The following GPC5 variants were observed in gnomAD, a reference collection of about 807,000 sequenced individuals.
GPC5 encodes the protein glypican-5.
GPC5 carries 47 observed loss-of-function variants against 53.9 expected under a neutral mutation model. The ratio of observed to expected loss-of-function variants is 0.87; its 90% CI spans 0.69 to 1.11. The LOEUF is 1.11. Ranked by LOEUF, GPC5 falls within the 50% of genes most tolerant of loss-of-function variation. The pLI is 0.00. For synonymous variants in GPC5, 286 were observed against 263.3 expected (o/e 1.09, Z -0.84); for missense variants, 748 against 713.1 (o/e 1.05, Z -0.56).
At chr13:91,968,230 AT>A (rs1431618056) in intron 6 of GPC5, among the ~76,000 whole-genome samples, 1 of 151,738 alleles carries the variant, frequency 6.6e-6, no homozygotes, top group African/African-American at 2.4e-5. Context: ...TTCCTCATGT[AT>A]TTTTTCCTAT....
intron 7 of GPC5, among the ~76,000 whole-genome samples, chr13:92,735,239 A>T (rs1888906824): frequency 1.3e-5 from 2 of 151,952 alleles, no homozygotes; most frequent in Admixed American, 1.3e-4. Context: ...AAATAAAATT[A>T]TGTTAGTTAA....
intron 2 of GPC5, among the ~76,000 whole-genome samples, chr13:91,450,885 C>A (rs1881131820): frequency 6.6e-6 from 1 of 152,006 alleles, no homozygotes; most frequent in Non-Finnish European, 1.5e-5. Context: ...TTTTCTGGAA[C>A]CAAATTCACT....
chr13:92,488,716 T>C (rs971610360), intron 7 of GPC5, among the ~76,000 whole-genome samples: 4 of 152,164 alleles, frequency 2.6e-5, no homozygotes, highest in Non-Finnish European at 4.4e-5. Flanking sequence ...AGCGATACTG[T>C]GTCGTAGGTG....
Position 91,423,287 on chromosome 13 carries a change from A to G in GPC5, c.163+24078A>G, listed in dbSNP as rs568479123. On this transcript the variant is annotated intron_variant, in intron 1 of 7. Coordinates refer to ENST00000377067, the MANE Select transcript of GPC5 (RefSeq NM_004466.6). ...GGCTCATGTCTCAGCTTTTTAGTAG[A>G]CATTTGTATTATTGCTTTGTGGCTG... Among the ~76,000 whole-genome samples, 237 of 152,348 alleles carry G rather than the reference A, an allele frequency of 1.6e-3. 1 individual carries two copies. The highest frequency in any genetic ancestry group is 5.4e-3 in the African/African-American group (224 of 41,580).
chr13:91,547,118 A>T (rs2030340291), intron 2 of GPC5, among the ~76,000 whole-genome samples: 1 of 152,108 alleles, frequency 6.6e-6, no homozygotes, highest in African/African-American at 2.4e-5. Context: ...AGGAGGAGTA[A>T]TTACATTTGG....
chr13:91,612,436 C>T (rs996505227), intron 2 of GPC5, among the ~76,000 whole-genome samples: 1 of 152,174 alleles, frequency 6.6e-6, no homozygotes, highest in Non-Finnish European at 1.5e-5. Flanking sequence ...CACCTTTTAA[C>T]ATCACAAACA....
In GPC5 at chr13:91,399,054, C is replaced by T. The variant is rs747624601; in HGVS notation, c.8C>T (p.Ala3Val). 1.3e-6 allele frequency: 2 copies of T among 1,555,518 alleles called. No homozygotes were observed. The highest frequency in any genetic ancestry group is 8.7e-7 in the Non-Finnish European group (1 of 1,150,046). The change falls in exon 1 of 8, where the codon GCA becomes GTA. Residue 3 changes from alanine (A) to valine (V), a missense_variant. Ala to Val is a moderately conservative substitution (Grantham distance 64). Coordinates refer to ENST00000377067, the MANE Select transcript of GPC5 (RefSeq NM_004466.6). Reference protein sequence around the residue: MDAQTWPVGFRCL... With the variant: MDVQTWPVGFRCL... ...GGGACCAGGACGGCGAGGATGGACGCACAGACCTGGCCCGTGGGCTTTCGC... is the reference window on the plus strand; with the variant it reads ...GGGACCAGGACGGCGAGGATGGACGTACAGACCTGGCCCGTGGGCTTTCGC...
intron 6 of GPC5, among the ~76,000 whole-genome samples, chr13:92,126,960 T>A (rs2041703132): frequency 6.6e-6 from 1 of 152,132 alleles, no homozygotes; most frequent in Non-Finnish European, 1.5e-5. Flanking sequence ...AATATTTAAG[T>A]GCAATTTTGG....
chr13:92,207,064 A>G (rs996249155), intron 7 of GPC5, among the ~76,000 whole-genome samples: 1 of 152,106 alleles, frequency 6.6e-6, no homozygotes, highest in Non-Finnish European at 1.5e-5. Context: ...CTGTTACTTG[A>G]GCTTCACTTC....
intron 7 of GPC5, among the ~76,000 whole-genome samples, chr13:92,825,179 C>T (rs9523811): frequency 0.2 from 30,153 of 151,952 alleles, 3,691 homozygotes; most frequent in Non-Finnish European, 0.28. Context: ...CAGCACGATC[C>T]GTGTGCCTGA....
At chr13:92,239,137 T>C (rs1241728619) in intron 7 of GPC5, among the ~76,000 whole-genome samples, 1 of 148,032 alleles carries the variant, frequency 6.8e-6, no homozygotes, top group Non-Finnish European at 1.5e-5. Context: ...CAAATTGTGA[T>C]GTGTGAGTCT....
intron 2 of GPC5, among the ~76,000 whole-genome samples, chr13:91,521,406 G>A (rs1207052062): frequency 6.6e-6 from 1 of 152,140 alleles, no homozygotes; most frequent in Non-Finnish European, 1.5e-5. Context: ...AACAATTCCA[G>A]TGCCTCTTTA....
chr13:92,246,542 T>A (rs1053550243), intron 7 of GPC5, among the ~76,000 whole-genome samples: 4 of 152,094 alleles, frequency 2.6e-5, no homozygotes, highest in South Asian at 2.1e-4. Flanking sequence ...TAGATATTAT[T>A]GCCATACAGA....
intron 7 of GPC5, among the ~76,000 whole-genome samples, chr13:92,852,057 CCAACAGGAGGA>C (rs1192290856): frequency 6.6e-6 from 1 of 151,996 alleles, no homozygotes; most frequent in Non-Finnish European, 1.5e-5. Flanking sequence ...ATTCGGAGTA[CCAACAGGAGGA>C]CAACAGGAAG....
At chr13:92,374,298 A>G (rs2043674683) in intron 7 of GPC5, among the ~76,000 whole-genome samples, 1 of 152,112 alleles carries the variant, frequency 6.6e-6, no homozygotes, top group African/African-American at 2.4e-5. Flanking sequence ...GAGCTCTCTT[A>G]CCCTGGTATT....
At chr13:92,622,461 C>A (rs1884905823) in intron 7 of GPC5, among the ~76,000 whole-genome samples, 1 of 152,192 alleles carries the variant, frequency 6.6e-6, no homozygotes, top group African/African-American at 2.4e-5. Context: ...AGTGTGTTAT[C>A]TGTTCCCTAC....
intron 7 of GPC5, among the ~76,000 whole-genome samples, chr13:92,173,321 G>A (rs1397196957): frequency 6.6e-6 from 1 of 152,060 alleles, no homozygotes; most frequent in African/African-American, 2.4e-5. Flanking sequence ...TGTCGATTCT[G>A]GGTTTTTAGG....
chr13:92,489,275 TTATC>T (rs1594244664), intron 7 of GPC5, among the ~76,000 whole-genome samples: 2 of 152,298 alleles, frequency 1.3e-5, no homozygotes, highest in East Asian at 1.9e-4. Context: ...CTATACATAT[TTATC>T]AAGTATTAGT....
At chr13:92,726,646 T>A (rs1201739162) in intron 7 of GPC5, among the ~76,000 whole-genome samples, 1 of 151,618 alleles carries the variant, frequency 6.6e-6, no homozygotes, top group African/African-American at 2.4e-5. Flanking sequence ...TGATAGGTGA[T>A]CACATCTTGT....
Sources: allele counts gnomAD v4.1 joint callset (sites outside exome capture counted in the v4.1 genomes callset), GRCh38; gene constraint gnomAD v4.1.1; transcripts MANE v1.5; gene names NCBI Gene and HGNC (gene_info 2026-07-23, HGNC 2026-07-21).